SLIRP: variants seen among roughly 807,000 people sequenced by gnomAD.
The protein encoded by SLIRP is SRA stem-loop-interacting RNA-binding protein, mitochondrial.
In SLIRP, 12 loss-of-function variants were observed where a neutral mutation model predicts 13.4. The observed-to-expected ratio is 0.89, with a 90% CI of 0.57 to 1.45. SLIRP has a LOEUF of 1.45. Ranked by LOEUF, SLIRP falls within the 40% of genes most tolerant of loss-of-function variation. SLIRP has a pLI of 0.00. For synonymous variants in SLIRP, 55 were observed against 47.1 expected (o/e 1.17, Z -0.69); for missense variants, 154 against 132.2 (o/e 1.17, Z -0.81).
At chr14:77,708,309 T>A in intron 1 of SLIRP, 101 bp downstream of exon 1, 1 of 1,169,552 alleles carries the variant, frequency 8.6e-7, no homozygotes, top group Non-Finnish European at 1.3e-6. Context: ...GTGGCTGAAT[T>A]AGGAGACTGC....
At chr14:77,711,011 G>C in intron 2 of SLIRP, 115 bp downstream of exon 2, 1 of 882,860 alleles carries the variant, frequency 1.1e-6, no homozygotes. Flanking sequence ...AATAATAATT[G>C]TACATTTTAA....
intron 2 of SLIRP, among the ~76,000 whole-genome samples, chr14:77,711,311 A>G (rs561895334): frequency 1.1e-4 from 15 of 140,290 alleles, no homozygotes; most frequent in South Asian, 9.3e-4. Context: ...AAAATTGTTG[A>G]AAAAAAAGCT....
In SLIRP at chr14:77,715,881, T is replaced by C. The variant is rs2080473243; in HGVS notation, c.264+2T>C. The C allele has an allele frequency of 6.2e-7, 1 of 1,603,084 alleles. No individual in the cohort carries two copies. The highest frequency in any genetic ancestry group is 8.5e-7 in the Non-Finnish European group (1 of 1,170,312). ...AATCATATTATAGATGGAGTAAAGG[T>C]AAATTTATTTCTATGCCAGATACAT... On this transcript the variant is annotated splice_donor_variant, in intron 3 of 3. Coordinates refer to ENST00000557342, the MANE Select transcript of SLIRP (RefSeq NM_031210.6). LOFTEE classifies it high-confidence loss of function.
At chr14:77,714,954 T>C (rs1217461642) in intron 2 of SLIRP, among the ~76,000 whole-genome samples, 2 of 152,216 alleles carry the variant, frequency 1.3e-5, no homozygotes, top group Non-Finnish European at 2.9e-5. Flanking sequence ...TTGAAACTTT[T>C]GCACAAGGGA....
At chr14:77,711,008 A>G (rs1487001048) in intron 2 of SLIRP, 112 bp downstream of exon 2, 4 of 894,112 alleles carry the variant, frequency 4.5e-6, no homozygotes, top group Admixed American at 4.5e-5. Flanking sequence ...GTCAATAATA[A>G]TTGTACATTT....
intron 1 of SLIRP, 50 bp downstream of exon 1, chr14:77,708,258 C>A: frequency 6.4e-7 from 1 of 1,570,526 alleles, no homozygotes; most frequent in South Asian, 1.1e-5. Flanking sequence ...CCAAGTGATC[C>A]TCAAAGCTTC....
chr14:77,710,620 T>C, intron 1 of SLIRP: 2 of 1,517,364 alleles, frequency 1.3e-6, no homozygotes, highest in South Asian at 1.2e-5. Flanking sequence ...GGATGGAGAC[T>C]GCAGCCAACT....
chr14:77,710,015 A>G (rs1166489807), intron 1 of SLIRP, among the ~76,000 whole-genome samples: 2 of 152,218 alleles, frequency 1.3e-5, no homozygotes, highest in Non-Finnish European at 2.9e-5. Flanking sequence ...AATATAGGCA[A>G]TTGTTGAACC....
At chr14:77,708,265 C>T in intron 1 of SLIRP, 57 bp downstream of exon 1, 1 of 1,563,258 alleles carries the variant, frequency 6.4e-7, no homozygotes, top group Non-Finnish European at 8.8e-7. Flanking sequence ...ATCCTCAAAG[C>T]TTCTGCTTTT....
chr14:77,710,771 T>G (rs2080433641), intron 1 of SLIRP, 67 bp from the exon 2 acceptor site: 52 of 1,602,320 alleles, frequency 3.2e-5, no homozygotes, highest in Non-Finnish European at 4.2e-5. Flanking sequence ...GACCCTGTCT[T>G]TCTACAGTCT....
chr14:77,708,606 G>A (rs1451498043), intron 1 of SLIRP, among the ~76,000 whole-genome samples: 3 of 152,202 alleles, frequency 2.0e-5, no homozygotes, highest in Admixed American at 6.5e-5. Context: ...GATGGTAGAA[G>A]GATGGTGGTC....
chr14:77,713,909 AG>A (rs1184641360), intron 2 of SLIRP, among the ~76,000 whole-genome samples: 1 of 152,246 alleles, frequency 6.6e-6, no homozygotes. Flanking sequence ...TGCAAAGAAT[AG>A]ATCTTAGATT....
chr14:77,717,007 C>CAT (rs2139884925), intron 3 of SLIRP, among the ~76,000 whole-genome samples: 1 of 152,220 alleles, frequency 6.6e-6, no homozygotes, highest in Admixed American at 6.5e-5. Context: ...TCAGGCAATC[C>CAT]GCCCACCTCG....
rs368921820 is a variant in SLIRP at position 77,714,660 on chromosome 14, A to C, written c.157-1112A>C. On this transcript the variant is annotated intron_variant, in intron 2 of 3. Transcript: ENST00000557342. ...GAAGTGGTCACATGACAATAAAGGAATGCTTTAGAAATTGTTGTATCTACA... is the reference window on the plus strand; with the variant it reads ...GAAGTGGTCACATGACAATAAAGGACTGCTTTAGAAATTGTTGTATCTACA... Among the ~76,000 whole-genome samples the C allele has an allele frequency of 5.3e-5, 8 of 152,340 alleles. No individual in the cohort carries two copies. The East Asian group carries it at 1.2e-3, about 22-fold the overall frequency.
At chr14:77,710,450 A>G in intron 1 of SLIRP, 1 of 615,740 alleles carries the variant, frequency 1.6e-6, no homozygotes, top group South Asian at 1.5e-5. Flanking sequence ...ATTTTACTAA[A>G]TTGTGAAAGA....
intron 1 of SLIRP, chr14:77,710,516 T>A (rs2080431632): frequency 4.2e-6 from 5 of 1,202,086 alleles, no homozygotes; most frequent in Non-Finnish European, 4.5e-6. Flanking sequence ...ACACACTGGA[T>A]TGTAATTTGT....
At chr14:77,713,335 TCA>T (rs1190397860) in intron 2 of SLIRP, among the ~76,000 whole-genome samples, 1 of 152,202 alleles carries the variant, frequency 6.6e-6, no homozygotes, top group African/African-American at 2.4e-5. Context: ...TACATAGAGT[TCA>T]CACACACTTC....
upstream of SLIRP, chr14:77,708,089 C>G (rs373975288): frequency 1.3e-5 from 21 of 1,611,240 alleles, no homozygotes; most frequent in East Asian, 4.2e-4. Context: ...GACCTCGGCT[C>G]GAGAAGGTGC....
In SLIRP at chr14:77,710,656, A is replaced by G. The variant is rs2080432825; in HGVS notation, c.98-182A>G. ...CAACAACTTCTCTGTCCATCTCACC[A>G]CCAAGTCTGGTACATTATGGCTTTA... is the stretch of plus-strand genomic sequence containing the variant. On this transcript the variant is annotated intron_variant, in intron 1 of 3. Coordinates refer to ENST00000557342, the MANE Select transcript of SLIRP (RefSeq NM_031210.6). 3.3e-6 allele frequency: 5 copies of G among 1,534,380 alleles called. No homozygotes were observed. In the Admixed American group the frequency reaches 9.8e-5, roughly 30 times the overall value.
Sources: gnomAD v4.1 joint callset for allele counts (sites outside exome capture counted in the v4.1 genomes callset) on GRCh38, gnomAD v4.1.1 for gene constraint, MANE v1.5 for transcripts, NCBI Gene and HGNC (gene_info 2026-07-23, HGNC 2026-07-21) for gene names.